The following CSMD1 variants were observed in gnomAD, a reference collection of about 807,000 sequenced individuals.
The protein encoded by CSMD1 is CUB and sushi domain-containing protein 1.
Under a neutral mutation model 417.5 loss-of-function variants are expected in CSMD1, and 213 were observed. The observed-to-expected ratio is 0.51, with a 90% confidence interval of 0.46 to 0.57. The LOEUF is 0.57. Among genes scored for constraint, CSMD1 ranks in the 20% least tolerant of loss-of-function variants. The probability of loss-of-function intolerance (pLI) is 0.00; values close to 1 mark genes in which losing one functional copy is unlikely to be tolerated. For synonymous variants in CSMD1, 2,862 were observed against 1,736.8 expected, an observed-to-expected ratio of 1.65 and a Z score of -16.11; for missense variants, 6,923 against 4,529.7, an observed-to-expected ratio of 1.53 and a Z score of -15.17.
intron 1 of CSMD1, among the ~76,000 whole-genome samples, chr8:4,701,579 T>C (rs1191906541): frequency 1.3e-5 from 2 of 152,098 alleles, no homozygotes; most frequent in Admixed American, 1.3e-4. Context: ...CATTTGAGAA[T>C]AGCTGTTGAT....
intron 1 of CSMD1, among the ~76,000 whole-genome samples, chr8:4,681,697 C>A (rs536127116): frequency 1.8e-4 from 27 of 152,024 alleles, no homozygotes; most frequent in Admixed American, 8.5e-4. Context: ...CAAAATAACC[C>A]GACTTTAAGG....
At chr8:3,447,345 T>A (rs1436732829) in intron 12 of CSMD1, among the ~76,000 whole-genome samples, 5 of 151,148 alleles carry the variant, frequency 3.3e-5, no homozygotes, top group Non-Finnish European at 7.4e-5. Context: ...AGTAACTGAG[T>A]CTCAGAAAAA....
intron 3 of CSMD1, among the ~76,000 whole-genome samples, chr8:4,038,207 T>A (rs528078582): frequency 6.6e-6 from 1 of 152,152 alleles, no homozygotes; most frequent in East Asian, 1.9e-4. Context: ...ATTTTCTTTT[T>A]AAAAAGTTTT....
At chr8:4,957,185 C>G (rs1417282794) in intron 1 of CSMD1, among the ~76,000 whole-genome samples, 1 of 152,158 alleles carries the variant, frequency 6.6e-6, no homozygotes. Flanking sequence ...AAAACACTGA[C>G]CTGTAGACCT....
intron 1 of CSMD1, among the ~76,000 whole-genome samples, chr8:4,855,331 A>C (rs913142333): frequency 1.3e-5 from 2 of 152,092 alleles, no homozygotes; most frequent in African/African-American, 4.8e-5. Context: ...GAACAGAAAA[A>C]CTGGAAACTC....
intron 2 of CSMD1, among the ~76,000 whole-genome samples, chr8:4,476,583 TCCA>T (rs1345118843): frequency 6.6e-6 from 1 of 152,192 alleles, no homozygotes; most frequent in Non-Finnish European, 1.5e-5. Flanking sequence ...CAAATAGGTC[TCCA>T]CAACACTTTT....
intron 1 of CSMD1, among the ~76,000 whole-genome samples, chr8:4,888,387 A>G (rs1044761962): frequency 1.3e-5 from 2 of 151,970 alleles, no homozygotes; most frequent in Non-Finnish European, 2.9e-5. Flanking sequence ...AGATATATGT[A>G]TATTTTCTTA....
At chr8:3,735,430 A>G (rs1407553097) in intron 6 of CSMD1, among the ~76,000 whole-genome samples, 1 of 152,260 alleles carries the variant, frequency 6.6e-6, no homozygotes, top group East Asian at 1.9e-4. Flanking sequence ...TCCAGAATGC[A>G]TCTACAAAAT....
At chr8:4,647,853 T>G (rs1470079716) in intron 1 of CSMD1, among the ~76,000 whole-genome samples, 1 of 152,340 alleles carries the variant, frequency 6.6e-6, no homozygotes, top group South Asian at 2.1e-4. Flanking sequence ...TCTTTGCTAT[T>G]GTAAATAGTA....
intron 1 of CSMD1, among the ~76,000 whole-genome samples, chr8:4,860,796 G>T (rs983439995): frequency 1.1e-4 from 17 of 152,056 alleles, no homozygotes; most frequent in African/African-American, 4.1e-4. Context: ...ATACCAAATT[G>T]CAACTTCCTG....
intron 7 of CSMD1, among the ~76,000 whole-genome samples, chr8:3,639,770 C>A (rs4523283): frequency 6.6e-6 from 1 of 151,792 alleles, no homozygotes; most frequent in Non-Finnish European, 1.5e-5. Context: ...TCTTGTTATT[C>A]TTCATAATCT....
At position 4,628,125 on chromosome 8, in the gene CSMD1, A is replaced by G. The variant is rs533390767; in HGVS notation, c.302+9217T>C. 6.8e-4 allele frequency among the ~76,000 whole-genome samples: 101 copies of G among 148,142 alleles called. 1 individual carries two copies. In the East Asian group the frequency reaches 0.011, roughly 16 times the overall value. On this transcript the variant is annotated intron_variant, in intron 2 of 69. Transcript: ENST00000635120. ...CATATATATACTTCTGTGTGTGTGT[A>G]TATATATATATATATGTACACAGTA...
rs571782267 is a variant in CSMD1 at position 4,743,800 on chromosome 8, A to C, written c.86-106242T>G. Among the ~76,000 whole-genome samples, 48 of 152,310 alleles carry C rather than the reference A, an allele frequency of 3.2e-4. No homozygotes were observed. The South Asian group carries it at 9.3e-3, about 30-fold the overall frequency. On this transcript the variant is annotated intron_variant, in intron 1 of 69. Transcript: ENST00000635120. ...CACTTGAGAGGCCTTCGATACCCTC[A>C]GGTGCTATGAAAACCTCTTTATCGC...
chr8:4,163,303 C>T (rs912317950), intron 3 of CSMD1, among the ~76,000 whole-genome samples: 4 of 152,134 alleles, frequency 2.6e-5, no homozygotes, highest in Admixed American at 1.3e-4. Context: ...TTCTAAGAAA[C>T]CACCCAATTG....
chr8:4,180,104 G>A (rs1160880315), intron 3 of CSMD1, among the ~76,000 whole-genome samples: 1 of 152,046 alleles, frequency 6.6e-6, no homozygotes, highest in African/African-American at 2.4e-5. Flanking sequence ...TATAAATCAT[G>A]CTGCTATGAA....
intron 5 of CSMD1, among the ~76,000 whole-genome samples, chr8:3,774,346 T>C (rs992219541): frequency 7.2e-5 from 11 of 152,290 alleles, no homozygotes; most frequent in African/African-American, 2.6e-4. Context: ...GGTGTTATCA[T>C]ATGGCGGTTG....
intron 3 of CSMD1, among the ~76,000 whole-genome samples, chr8:4,293,518 G>C (rs1797491389): frequency 6.6e-6 from 1 of 152,040 alleles, no homozygotes; most frequent in Non-Finnish European, 1.5e-5. Context: ...TACTTTAAAA[G>C]AACACTAACC....
intron 3 of CSMD1, among the ~76,000 whole-genome samples, chr8:4,138,799 T>C (rs1803596555): frequency 6.6e-6 from 1 of 152,206 alleles, no homozygotes; most frequent in Non-Finnish European, 1.5e-5. Context: ...GTGGCTTTCA[T>C]TTAATGGTAT....
At chr8:4,366,515 G>T (rs566184809) in intron 3 of CSMD1, among the ~76,000 whole-genome samples, 37 of 152,244 alleles carry the variant, frequency 2.4e-4, no homozygotes, top group African/African-American at 8.4e-4. Context: ...GTTTTCCACA[G>T]TAGCTTAATT....
Sources: allele counts gnomAD v4.1 joint callset (sites outside exome capture counted in the v4.1 genomes callset), GRCh38; gene constraint gnomAD v4.1.1; transcripts MANE v1.5; gene names NCBI Gene and HGNC (gene_info 2026-07-23, HGNC 2026-07-21).